ERCC2: variants seen among roughly 807,000 people sequenced by gnomAD.
ERCC2 encodes the protein ERCC excision repair 2, TFIIH core complex helicase subunit, also known as general transcription and DNA repair factor IIH helicase subunit XPD.
A neutral mutation model predicts 99.4 loss-of-function variants in ERCC2; 90 were observed. That is an observed-to-expected ratio of 0.91 (90% CI 0.76 to 1.08). The LOEUF is 1.08. ERCC2 is among the 50% of genes least tolerant of loss of function. The pLI, the probability that ERCC2 is intolerant of heterozygous loss-of-function variation, is 0.00. For missense variants in ERCC2, 993 were observed against 1,038.1 expected, an observed-to-expected ratio of 0.96 and a Z score of 0.60; for synonymous variants, 497 against 432.4, an observed-to-expected ratio of 1.15 and a Z score of -1.85.
Position 45,364,286 on chromosome 19 carries a change from G to C in ERCC2, c.764C>G (p.Thr255Ser). Residue 255 changes from threonine (T) to serine (S), a missense_variant, in exon 9 of 23, where the codon ACC (threonine) becomes AGC (serine). Thr to Ser is a moderately conservative substitution (Grantham distance 58, BLOSUM62 1). This residue lies in a region of ERCC2 where 909 missense variants were observed against 930.8 expected (regional missense o/e 0.98). Transcript: ENST00000391945. ...DSMSVNLTRR[T>S]LDRCQGNLET... is the part of the protein sequence containing the mutation. ...CAGGTTGCCCTGGCACCGGTCAAGGGTCCGGCGGGTGAGGTTGACGCTCAT... is the reference window on the plus strand; with the variant it reads ...CAGGTTGCCCTGGCACCGGTCAAGGCTCCGGCGGGTGAGGTTGACGCTCAT... 1.9e-6 allele frequency: 3 copies of C among 1,614,026 alleles called. No individual in the cohort carries two copies. Among genetic ancestry groups the C allele is most frequent in the Non-Finnish European group, 2.5e-6 (3 of 1,179,996 alleles).
In ERCC2 at chr19:45,350,309, C is replaced by A; in HGVS notation, c.*1320G>T. 3 of 1,594,312 alleles carry A rather than the reference C, an allele frequency of 1.9e-6. No homozygotes were observed. Among genetic ancestry groups the A allele is most frequent in the Non-Finnish European group, 2.6e-6 (3 of 1,166,204 alleles). On this transcript the variant is annotated 3_prime_UTR_variant, in exon 23 of 23. Transcript: ENST00000391945. ...GGATGCAGTGTTGGGAACTGGGGTC[C>A]GAAAAGTTCCCAGACACTCCCTTCT...
rs904220491 is a variant in ERCC2, at chr19:45,351,153, C to CAAAG, written c.*472_*475dup. ...TGTCAGAAGAGACCCAGGACAGGAG[C>CAAAG]AAAGATGGGTTTTACTTGGGGTAGA... On this transcript the variant is annotated 3_prime_UTR_variant, in exon 23 of 23. Coordinates refer to ENST00000391945, the MANE Select transcript of ERCC2 (RefSeq NM_000400.4). 5 of 1,592,474 alleles carry CAAAG rather than the reference C, an allele frequency of 3.1e-6. No individual in the cohort carries two copies. In the Admixed American group the frequency reaches 8.6e-5, roughly 27 times the overall value.
chr19:45,350,609 G>A lies in ERCC2; in HGVS notation c.*1020C>T, dbSNP rs1250158665. ...GGGCGTGGGGACTGCATGGGCCTGG[G>A]GGACTGAGCAGCATCCCCGGCCCCT... is the stretch of plus-strand genomic sequence containing the variant. On this transcript the variant is annotated 3_prime_UTR_variant, in exon 23 of 23. Coordinates refer to ENST00000391945, the MANE Select transcript of ERCC2 (RefSeq NM_000400.4). 10 of 1,613,668 alleles carry A rather than the reference G, an allele frequency of 6.2e-6. No homozygotes were observed. The highest frequency in any genetic ancestry group is 8.5e-6 in the Non-Finnish European group (10 of 1,179,706).
chr19:45,356,423 G>A (rs1972014979), intron 15 of ERCC2, among the ~76,000 whole-genome samples: 1 of 152,198 alleles, frequency 6.6e-6, no homozygotes, highest in Non-Finnish European at 1.5e-5. Context: ...GCCGAAATGG[G>A]AGTTTGACTC....
At position 45,357,558 on chromosome 19, in the gene ERCC2, G is replaced by C. The variant is rs752408945; in HGVS notation, c.1308-15C>G. On this transcript the variant is annotated splice_polypyrimidine_tract_variant and intron_variant, in intron 13 of 22. Coordinates refer to ENST00000391945, the MANE Select transcript of ERCC2 (RefSeq NM_000400.4). ...CGTCCATGCAGCTGGAGAGAGATGAGGGCAGTGAGGGCCCGGGGGGCTGGG... is the reference window on the plus strand; with the variant it reads ...CGTCCATGCAGCTGGAGAGAGATGACGGCAGTGAGGGCCCGGGGGGCTGGG... 2 of 1,614,006 alleles carry C rather than the reference G, an allele frequency of 1.2e-6. No individual in the cohort carries two copies. Among genetic ancestry groups the C allele is most frequent in the Non-Finnish European group, 1.7e-6 (2 of 1,179,966 alleles).
Position 45,349,939 on chromosome 19 carries a change from C to G in ERCC2, c.*1690G>C, listed in dbSNP as rs372399666. ...AGCGTCCCTATGAGGTGGGAGCTGT[C>G]GCTCCACTTTGCGTGTGGGAAGACT... On this transcript the variant is annotated 3_prime_UTR_variant, in exon 23 of 23. Coordinates refer to ENST00000391945, the MANE Select transcript of ERCC2 (RefSeq NM_000400.4). 3.0e-4 allele frequency: 126 copies of G among 414,832 alleles called. 1 individual carries two copies. The East Asian group carries it at 5.0e-3, about 16-fold the overall frequency. 25.7% of individuals were successfully genotyped at this position (414,832 alleles called of 1,614,324 possible). A position where few individuals can be genotyped will look rare whatever the true frequency, so the allele number is the denominator to read the frequency against.
intron 13 of ERCC2, 36 bp downstream of exon 13, chr19:45,357,594 A>G: frequency 6.2e-7 from 1 of 1,613,838 alleles, no homozygotes; most frequent in Non-Finnish European, 8.5e-7. Flanking sequence ...CCCCCGACCC[A>G]CAGAGCATTC....
chr19:45,350,957 G>A lies in ERCC2; in HGVS notation c.*672C>T. On this transcript the variant is annotated 3_prime_UTR_variant, in exon 23 of 23. Coordinates refer to ENST00000391945, the MANE Select transcript of ERCC2 (RefSeq NM_000400.4). The stretch of plus-strand genomic sequence containing the variant: ...CTCCCTGCTGCCCTCTTTGCAGAAT[G>A]AAGAGAGCCATGTCACTCAACACAC... 6.2e-7 allele frequency: 1 copy of A among 1,614,092 alleles called. No individual in the cohort carries two copies. Among genetic ancestry groups the A allele is most frequent in the Non-Finnish European group, 8.5e-7 (1 of 1,179,982 alleles).
intron 16 of ERCC2, 115 bp from the exon 17 acceptor site, chr19:45,354,966 A>C: frequency 1.5e-6 from 2 of 1,345,482 alleles, no homozygotes; most frequent in Non-Finnish European, 2.1e-6. Flanking sequence ...CTTTTCACAC[A>C]TATCCCCCTC....
Position 45,364,255 on chromosome 19 carries a change from G to A in ERCC2, c.795C>T (p.Thr265=). 1.2e-6 allele frequency: 2 copies of A among 1,613,884 alleles called. No homozygotes were observed. Among genetic ancestry groups the A allele is most frequent in the Non-Finnish European group, 1.7e-6 (2 of 1,179,960 alleles). Residue 265 remains threonine (T), a synonymous_variant, in exon 9 of 23, where the codon ACC becomes ACT. Transcript: ENST00000391945. ...CCCACCTGAGCACCGTCTTCTGCAG[G>A]GTCTCCAGGTTGCCCTGGCACCGGT... The part of the protein sequence containing the change: ...TLDRCQGNLE[T]LQKTVLRIKE...
rs1008618929 is a variant in ERCC2, at chr19:45,352,915, G to A, written c.1832-99C>T. Reference sequence around the variant, plus strand: ...CAGGATGCTGTGTCTGAGTTGGGGGGAGAGGGTGTGTTCCCGCCGGGTGCC... The same window carrying A: ...CAGGATGCTGTGTCTGAGTTGGGGGAAGAGGGTGTGTTCCCGCCGGGTGCC... On this transcript the variant is annotated intron_variant, in intron 19 of 22. Coordinates refer to ENST00000391945, the MANE Select transcript of ERCC2 (RefSeq NM_000400.4). The A allele has an allele frequency of 5.0e-5, 65 of 1,288,018 alleles. 2 individuals carry two copies. Among genetic ancestry groups the A allele is most frequent in the African/African-American group, 7.3e-5 (5 of 68,364 alleles). 79.8% of individuals were successfully genotyped at this position (1,288,018 alleles called of 1,614,324 possible). A position where few individuals can be genotyped will look rare whatever the true frequency, so the allele number is the denominator to read the frequency against.
Position 45,357,624 on chromosome 19 carries a change from T to A in ERCC2, c.1307+6A>T. The A allele has an allele frequency of 3.1e-6, 5 of 1,613,926 alleles. No homozygotes were observed. Among genetic ancestry groups the A allele is most frequent in the Non-Finnish European group, 3.4e-6 (4 of 1,179,922 alleles). ...GCATTCACACCCTCACCGGGCAGGG[T>A]CCCACCTGAAGTGCAGGATGGGGTT... On this transcript the variant is annotated splice_donor_region_variant and intron_variant, in intron 13 of 22. Transcript: ENST00000391945.
intron 1 of ERCC2, 118 bp downstream of exon 1, chr19:45,370,418 C>CCTG: frequency 6.7e-7 from 1 of 1,499,330 alleles, no homozygotes. Context: ...CGGCTGCCCC[C>CCTG]GTCCCACCCC....
intron 1 of ERCC2, 106 bp from the exon 2 acceptor site, chr19:45,370,338 C>G: frequency 3.2e-6 from 5 of 1,541,582 alleles, no homozygotes; most frequent in Non-Finnish European, 4.4e-6. Flanking sequence ...CCGGCGCCCC[C>G]GGTAACCCTC....
intron 15 of ERCC2, among the ~76,000 whole-genome samples, chr19:45,356,894 G>A (rs768525209): frequency 6.6e-6 from 1 of 152,170 alleles, no homozygotes; most frequent in Non-Finnish European, 1.5e-5. Flanking sequence ...TTACAGAGAC[G>A]GAGACGGAGA....
chr19:45,351,267 C>CCCCTGTGCCTGT lies in ERCC2; in HGVS notation c.*350_*361dup. ...TGCCCCTCACCTCCCCTCCAACCATCCCCTGTGCCTGTCTCCAGTTTCCCA... is the reference window on the plus strand; with the variant it reads ...TGCCCCTCACCTCCCCTCCAACCATCCCCTGTGCCTGTCCCTGTGCCTGTCTCCAGTTTCCCA... On this transcript the variant is annotated 3_prime_UTR_variant, in exon 23 of 23. Transcript: ENST00000391945. 1 of 1,611,112 alleles carries CCCCTGTGCCTGT rather than the reference C, an allele frequency of 6.2e-7. No individual in the cohort carries two copies. The highest frequency in any genetic ancestry group is 8.5e-7 in the Non-Finnish European group (1 of 1,179,362).
At chr19:45,352,893 G>C (rs1217775335) in intron 19 of ERCC2, 77 bp from the exon 20 acceptor site, 3 of 1,423,426 alleles carry the variant, frequency 2.1e-6, no homozygotes, top group Non-Finnish European at 3.0e-6. Context: ...CGCGACCCAG[G>C]ATGCTGTGTC....
chr19:45,353,893 A>G (rs146401363), intron 17 of ERCC2, among the ~76,000 whole-genome samples: 17 of 152,350 alleles, frequency 1.1e-4, no homozygotes, highest in African/African-American at 3.8e-4. Context: ...TAAAACCACA[A>G]GCTCCTAGAA....
chr19:45,362,933 G>A (rs973322090), intron 11 of ERCC2, among the ~76,000 whole-genome samples: 1 of 152,190 alleles, frequency 6.6e-6, no homozygotes, highest in African/African-American at 2.4e-5. Context: ...TTGCAGGGTG[G>A]GGATGCTGTA....
Sources: gnomAD v4.1 joint callset for allele counts (sites outside exome capture counted in the v4.1 genomes callset) on GRCh38, gnomAD v4.1.1 for gene constraint, gnomAD v4.1.1 regional missense constraint, MANE v1.5 for transcripts, NCBI Gene and HGNC (gene_info 2026-07-23, HGNC 2026-07-21) for gene names.